The following SLC1A1 variants were observed in gnomAD, a reference collection of about 807,000 sequenced individuals.
SLC1A1 encodes excitatory amino acid transporter 3.
In SLC1A1, 43 loss-of-function variants were observed where a neutral mutation model predicts 53.3. The ratio of observed to expected loss-of-function variants is 0.81; its 90% CI spans 0.63 to 1.04. SLC1A1 has a LOEUF of 1.04. Ranked by LOEUF, SLC1A1 falls within the 50% of genes least tolerant of loss-of-function variation. The probability of loss-of-function intolerance (pLI) is 0.00; values close to 1 mark genes in which losing one functional copy is unlikely to be tolerated. For synonymous variants in SLC1A1, 307 were observed against 243.2 expected (o/e 1.26, Z -2.44); for missense variants, 748 against 664.9 (o/e 1.12, Z -1.37).
intron 1 of SLC1A1, among the ~76,000 whole-genome samples, chr9:4,513,280 A>G (rs1821055681): frequency 6.6e-6 from 1 of 152,236 alleles, no homozygotes; most frequent in African/African-American, 2.4e-5. Context: ...AGACTGGGAG[A>G]AAAGAATTGC....
intron 7 of SLC1A1, 31 bp downstream of exon 7, chr9:4,572,419 T>G (rs746617932): frequency 2.5e-6 from 4 of 1,579,908 alleles, no homozygotes; most frequent in African/African-American, 1.3e-5. Flanking sequence ...GTCATTTTGC[T>G]TCCCCTGACA....
intron 1 of SLC1A1, among the ~76,000 whole-genome samples, chr9:4,523,619 A>G (rs1240080148): frequency 1.3e-5 from 2 of 152,164 alleles, no homozygotes; most frequent in Non-Finnish European, 2.9e-5. Context: ...CTGCTCCTTA[A>G]CTCTGTAACC....
chr9:4,560,001 A>G (rs1309600366), intron 2 of SLC1A1: 1 of 152,228 alleles, frequency 6.6e-6, no homozygotes, highest in Non-Finnish European at 1.5e-5. Flanking sequence ...CACTCCAGAC[A>G]GCCCTTTCAA....
chr9:4,570,915 T>TA lies in SLC1A1; in HGVS notation c.583-1275dup, dbSNP rs111620181. 3.7e-3 allele frequency among the ~76,000 whole-genome samples: 521 copies of TA among 140,976 alleles called. 2 individuals carry two copies. The highest frequency in any genetic ancestry group is 0.018 in the Middle Eastern group (5 of 274). 92.5% of individuals were successfully genotyped at this position (140,976 alleles called of 152,430 possible). On this transcript the variant is annotated intron_variant, in intron 6 of 11. Coordinates refer to ENST00000262352, the MANE Select transcript of SLC1A1 (RefSeq NM_004170.6). ...TGGACAACATGAGACCCTGTCTGTTTAAAAAAAAAAAAAAGGTAAAAACAT... is the reference window on the plus strand; with the variant it reads ...TGGACAACATGAGACCCTGTCTGTTTAAAAAAAAAAAAAAAGGTAAAAACAT...
At chr9:4,528,122 C>G (rs1364433817) in intron 1 of SLC1A1, among the ~76,000 whole-genome samples, 1 of 152,124 alleles carries the variant, frequency 6.6e-6, no homozygotes, top group Non-Finnish European at 1.5e-5. Flanking sequence ...ATGCATACCA[C>G]GATGCGGTGA....
chr9:4,493,057 C>A (rs1489044169), intron 1 of SLC1A1, among the ~76,000 whole-genome samples: 1 of 152,162 alleles, frequency 6.6e-6, no homozygotes, highest in Non-Finnish European at 1.5e-5. Flanking sequence ...CAGACATGGC[C>A]TTTGGTCTCA....
chr9:4,540,926 A>C (rs1344429238), intron 1 of SLC1A1, among the ~76,000 whole-genome samples: 1 of 152,194 alleles, frequency 6.6e-6, no homozygotes, highest in Non-Finnish European at 1.5e-5. Context: ...GAGAAGTTAA[A>C]GTTATGGCCC....
rs1321883222 is a variant in SLC1A1, at chr9:4,576,656, T to C, written c.1086T>C (p.Gly362=). ...KRITRFVLPV[G]ATINMDGTAL... Reference sequence around the variant, plus strand: ...TCACTCGATTCGTGTTACCCGTTGGTGCAACAATCAACATGGATGGGACTG... The same window carrying C: ...TCACTCGATTCGTGTTACCCGTTGGCGCAACAATCAACATGGATGGGACTG... Residue 362 remains glycine (G), a synonymous_variant, in exon 10 of 12, where the codon GGT becomes GGC. Coordinates refer to ENST00000262352, the MANE Select transcript of SLC1A1 (RefSeq NM_004170.6). 1 of 1,614,102 alleles carries C rather than the reference T, an allele frequency of 6.2e-7. No individual in the cohort carries two copies. The highest frequency in any genetic ancestry group is 1.3e-5 in the African/African-American group (1 of 75,054).
At chr9:4,505,715 G>A (rs1021798007) in intron 1 of SLC1A1, among the ~76,000 whole-genome samples, 31 of 152,148 alleles carry the variant, frequency 2.0e-4, no homozygotes, top group African/African-American at 6.0e-4. Flanking sequence ...GGAGGGCAGT[G>A]GCATGATCTT....
chr9:4,563,855 G>A lies in SLC1A1; in HGVS notation c.326-489G>A, dbSNP rs146393890. ...CTACATGACTGCTTTCTAGATACTT[G>A]AAGACCTACGGTATGGAAGGAAGGC... is the stretch of plus-strand genomic sequence containing the variant. On this transcript the variant is annotated intron_variant, in intron 3 of 11. Transcript: ENST00000262352. Among the ~76,000 whole-genome samples, 126 of 152,196 alleles carry A rather than the reference G, an allele frequency of 8.3e-4. 3 individuals carry two copies. The East Asian group carries it at 0.024, about 29-fold the overall frequency.
At chr9:4,582,990 C>T (rs751760387) in intron 10 of SLC1A1, 48 bp from the exon 11 acceptor site, 14 of 1,612,430 alleles carry the variant, frequency 8.7e-6, no homozygotes, top group East Asian at 2.2e-5. Context: ...AGGGCTTTAA[C>T]GGGAGAGGTA....
At chr9:4,507,572 A>G (rs927705724) in intron 1 of SLC1A1, among the ~76,000 whole-genome samples, 1 of 152,190 alleles carries the variant, frequency 6.6e-6, no homozygotes, top group African/African-American at 2.4e-5. Flanking sequence ...CACAAATGTT[A>G]AGAGAGAAGG....
intron 1 of SLC1A1, among the ~76,000 whole-genome samples, chr9:4,538,108 C>T (rs1394905555): frequency 6.6e-6 from 1 of 152,060 alleles, no homozygotes; most frequent in Non-Finnish European, 1.5e-5. Context: ...TGAGACAGGT[C>T]TCAGTTAATT....
intron 6 of SLC1A1, among the ~76,000 whole-genome samples, chr9:4,571,345 C>A (rs1156948558): frequency 6.6e-6 from 1 of 152,082 alleles, no homozygotes; most frequent in Non-Finnish European, 1.5e-5. Flanking sequence ...CCCTGTACAT[C>A]CTGCACCACA....
intron 1 of SLC1A1, among the ~76,000 whole-genome samples, chr9:4,496,154 G>T (rs1279634559): frequency 6.6e-6 from 1 of 152,110 alleles, no homozygotes; most frequent in African/African-American, 2.4e-5. Context: ...TTGGAGGTCT[G>T]GGAAGAGAAG....
intron 1 of SLC1A1, among the ~76,000 whole-genome samples, chr9:4,513,801 A>C (rs913086900): frequency 6.6e-6 from 1 of 152,236 alleles, no homozygotes; most frequent in East Asian, 1.9e-4. Context: ...GACGAGTCAA[A>C]TATTCTTCAA....
intron 1 of SLC1A1, among the ~76,000 whole-genome samples, chr9:4,521,795 G>A (rs1816083391): frequency 6.6e-6 from 1 of 152,092 alleles, no homozygotes. Flanking sequence ...GATGGTGGCA[G>A]CTAAGTGGGA....
chr9:4,522,548 T>C lies in SLC1A1; in HGVS notation c.92-22019T>C, dbSNP rs1816116424. ...GGTGTACTCTTGATACCATCTGTAT[T>C]AGCCTGTTCTGACAAGGCTATAAAG... On this transcript the variant is annotated intron_variant, in intron 1 of 11. Coordinates refer to ENST00000262352, the MANE Select transcript of SLC1A1 (RefSeq NM_004170.6). Among the ~76,000 whole-genome samples, 3 of 152,194 alleles carry C rather than the reference T, an allele frequency of 2.0e-5. No homozygotes were observed. The South Asian group carries it at 6.2e-4, about 32-fold the overall frequency.
At chr9:4,532,041 C>G (rs973478647) in intron 1 of SLC1A1, among the ~76,000 whole-genome samples, 4 of 152,194 alleles carry the variant, frequency 2.6e-5, no homozygotes, top group African/African-American at 9.6e-5. Flanking sequence ...ACATCCACAC[C>G]AAAACCCCAT....
Sources: gnomAD v4.1 joint callset for allele counts (sites outside exome capture counted in the v4.1 genomes callset) on GRCh38, gnomAD v4.1.1 for gene constraint, MANE v1.5 for transcripts, NCBI Gene and HGNC (gene_info 2026-07-23, HGNC 2026-07-21) for gene names.